STRN: variants seen among roughly 807,000 people sequenced by gnomAD.
STRN encodes striatin.
In STRN, 53 loss-of-function variants were observed where a neutral mutation model predicts 96.3. The ratio of observed to expected loss-of-function variants is 0.55; its 90% CI spans 0.44 to 0.69. The LOEUF (loss-of-function observed/expected upper bound fraction) is 0.69, where lower values mean the gene tolerates loss of function less well. Ranked by LOEUF, STRN falls within the 30% of genes least tolerant of loss-of-function variation. The probability of loss-of-function intolerance (pLI) is 0.00; values close to 1 mark genes in which losing one functional copy is unlikely to be tolerated. For missense variants in STRN, 987 were observed against 963.9 expected (o/e 1.02, Z -0.32); for synonymous variants, 428 against 355.9 (o/e 1.20, Z -2.28).
At chr2:36,855,150 T>G in intron 15 of STRN, 62 bp downstream of exon 15, 2 of 1,543,906 alleles carry the variant, frequency 1.3e-6, no homozygotes, top group Non-Finnish European at 8.9e-7. Flanking sequence ...CTGACTCTAG[T>G]AGTCGTAATT....
intron 1 of STRN, among the ~76,000 whole-genome samples, chr2:36,957,672 C>CA (rs78178182): frequency 0.031 from 4,465 of 142,318 alleles, 106 homozygotes; most frequent in East Asian, 0.13. Context: ...AAAAAACAAA[C>CA]AAAAAAAAAC....
intron 10 of STRN, among the ~76,000 whole-genome samples, chr2:36,876,254 G>A (rs1037305392): frequency 1.0e-4 from 15 of 146,738 alleles, no homozygotes; most frequent in Admixed American, 4.2e-4. Flanking sequence ...CTGGGTGACC[G>A]AGTGAGACCC....
chr2:36,933,785 A>G (rs899794150), intron 1 of STRN, among the ~76,000 whole-genome samples: 3 of 152,156 alleles, frequency 2.0e-5, no homozygotes, highest in African/African-American at 7.2e-5. Flanking sequence ...TTTGTATTAA[A>G]GTTAAAAGGC....
intron 12 of STRN, among the ~76,000 whole-genome samples, chr2:36,863,976 T>A (rs1056903511): frequency 6.6e-6 from 1 of 152,216 alleles, no homozygotes; most frequent in Admixed American, 6.5e-5. Context: ...TTGGTGTGTA[T>A]AAATGGTACT....
rs1210337418 is a variant in STRN at position 36,848,817 on chromosome 2, C to A, written c.*639G>T. On this transcript the variant is annotated 3_prime_UTR_variant, in exon 18 of 18. Coordinates refer to ENST00000263918, the MANE Select transcript of STRN (RefSeq NM_003162.4). ...TACAATATAGAAATCTGCTTGCAAA[C>A]TATTTGTCTAGCATTTCTGAATAAT... The A allele has an allele frequency of 6.6e-6, 1 of 152,562 alleles. No homozygotes were observed. The highest frequency in any genetic ancestry group is 6.5e-5 in the Admixed American group (1 of 15,272). 9.5% of individuals were successfully genotyped at this position (152,562 alleles called of 1,614,324 possible).
chr2:36,927,435 G>A (rs1031188431), intron 1 of STRN, among the ~76,000 whole-genome samples: 7 of 150,428 alleles, frequency 4.7e-5, no homozygotes, highest in Non-Finnish European at 1.0e-4. Flanking sequence ...CCTCAGCCCA[G>A]GAGGCCAAGG....
chr2:36,956,926 A>C (rs1485962795), intron 1 of STRN, among the ~76,000 whole-genome samples: 1 of 152,262 alleles, frequency 6.6e-6, no homozygotes, highest in Non-Finnish European at 1.5e-5. Flanking sequence ...AACGCAGCCA[A>C]AAATTCTGGA....
chr2:36,922,308 C>T (rs1460110934), intron 2 of STRN, among the ~76,000 whole-genome samples: 2 of 151,990 alleles, frequency 1.3e-5, no homozygotes, highest in Non-Finnish European at 2.9e-5. Flanking sequence ...TGCTTGAGCC[C>T]AGGAGGTCCA....
intron 1 of STRN, among the ~76,000 whole-genome samples, chr2:36,946,561 A>G (rs1187638139): frequency 6.6e-6 from 1 of 152,164 alleles, no homozygotes; most frequent in Non-Finnish European, 1.5e-5. Context: ...TAAAAATCCC[A>G]CGTGTGTGTG....
chr2:36,888,912 G>A (rs1669314528), intron 7 of STRN, among the ~76,000 whole-genome samples: 1 of 151,888 alleles, frequency 6.6e-6, no homozygotes, highest in African/African-American at 2.4e-5. Context: ...TCAAACTCCT[G>A]GGCTCAAGCA....
At chr2:36,866,460 G>T (rs1233131680) in intron 12 of STRN, among the ~76,000 whole-genome samples, 3 of 152,218 alleles carry the variant, frequency 2.0e-5, no homozygotes, top group African/African-American at 7.2e-5. Flanking sequence ...ATGGTCAGGA[G>T]TGTGGTTGAT....
At position 36,883,024 on chromosome 2, in the gene STRN, C is replaced by T. The variant is rs1397024042; in HGVS notation, c.1186+908G>A. ...ATTCAAAAGTTTCATATCAAGTCTA[C>T]AATATAATATACAATCTTAAAATTA... On this transcript the variant is annotated intron_variant, in intron 9 of 17. Coordinates refer to ENST00000263918, the MANE Select transcript of STRN (RefSeq NM_003162.4). 2.0e-5 allele frequency among the ~76,000 whole-genome samples: 3 copies of T among 151,976 alleles called. No individual in the cohort carries two copies. The South Asian group carries it at 6.2e-4, about 32-fold the overall frequency.
chr2:36,878,112 A>T, intron 9 of STRN, 85 bp from the exon 10 acceptor site: 1 of 1,455,606 alleles, frequency 6.9e-7, no homozygotes, highest in Admixed American at 1.9e-5. Context: ...ATTTCTTATA[A>T]GTGCACGTAT....
intron 12 of STRN, among the ~76,000 whole-genome samples, chr2:36,864,006 T>G (rs1668560438): frequency 6.6e-6 from 1 of 152,262 alleles, no homozygotes; most frequent in African/African-American, 2.4e-5. Context: ...ACATTGATTT[T>G]ATATCCAGAA....
chr2:36,851,026 T>C lies in STRN; in HGVS notation c.2060A>G (p.His687Arg). 6.2e-7 allele frequency: 1 copy of C among 1,612,864 alleles called. No individual in the cohort carries two copies. Among genetic ancestry groups the C allele is most frequent in the Non-Finnish European group, 8.5e-7 (1 of 1,179,228 alleles). ...PISITAHEDR[H>R]IKFYDNNTGK... ...TGTATTGTTATCATAGAATTTGATG[T>C]GCCTGTCTTCATGAGCAGTGATGCT... The change falls in exon 16 of 18, where the codon CAC (histidine) becomes CGC (arginine). Residue 687 changes from histidine to arginine, a missense_variant. Physicochemically the swap from His to Arg is conservative, Grantham distance 29 (BLOSUM62 0). Coordinates refer to ENST00000263918, the MANE Select transcript of STRN (RefSeq NM_003162.4).
At chr2:36,892,967 C>T (rs1352318366) in intron 7 of STRN, among the ~76,000 whole-genome samples, 1 of 151,970 alleles carries the variant, frequency 6.6e-6, no homozygotes, top group Non-Finnish European at 1.5e-5. Context: ...TTGCAGTGAG[C>T]CAGGATCACG....
At chr2:36,937,438 G>C (rs1452156364) in intron 1 of STRN, among the ~76,000 whole-genome samples, 1 of 151,998 alleles carries the variant, frequency 6.6e-6, no homozygotes, top group Admixed American at 6.6e-5. Context: ...GGAGGTCAAG[G>C]CAGGAAGATG....
At chr2:36,883,554 C>T (rs1669134429) in intron 9 of STRN, among the ~76,000 whole-genome samples, 1 of 152,144 alleles carries the variant, frequency 6.6e-6, no homozygotes, top group Non-Finnish European at 1.5e-5. Flanking sequence ...GACTTTATCC[C>T]CTTTTTCAAT....
Position 36,886,902 on chromosome 2 carries a change from C to T in STRN, c.932-76G>A, listed in dbSNP as rs556350139. The T allele has an allele frequency of 1.5e-4, 165 of 1,117,692 alleles. No individual in the cohort carries two copies. The South Asian group carries it at 2.2e-3, about 15-fold the overall frequency. The allele number at this position is 1,117,692 out of a possible 1,614,324, so 69.2% of individuals were successfully genotyped here. The stretch of plus-strand genomic sequence containing the variant: ...ACTCTGAGTCAGTATGTCTGAATGA[C>T]GTAACAACCACTTTCTTTATAGTAT... On this transcript the variant is annotated intron_variant, in intron 7 of 17. Transcript: ENST00000263918.
Sources: gnomAD v4.1 joint callset for allele counts (sites outside exome capture counted in the v4.1 genomes callset) on GRCh38, gnomAD v4.1.1 for gene constraint, MANE v1.5 for transcripts, NCBI Gene and HGNC (gene_info 2026-07-23, HGNC 2026-07-21) for gene names.